ABCA8: variants seen among roughly 807,000 people sequenced by gnomAD.
ABCA8 encodes the protein ATP binding cassette subfamily A member 8.
ABCA8 carries 177 observed loss-of-function variants against 192.3 expected under a neutral mutation model. That is an observed-to-expected ratio of 0.92 (90% CI 0.81 to 1.04). The LOEUF (loss-of-function observed/expected upper bound fraction) is 1.04. Ranked by LOEUF, ABCA8 falls within the 50% of genes least tolerant of loss-of-function variation. ABCA8 has a pLI of 0.00. For missense variants in ABCA8, 1,915 were observed against 1,904.8 expected (o/e 1.01, Z -0.10); for synonymous variants, 642 against 690.2 (o/e 0.93, Z 1.09).
chr17:68,941,886 C>T (rs573887581), intron 3 of ABCA8, 53 bp downstream of exon 3: 4 of 1,316,634 alleles, frequency 3.0e-6, no homozygotes, highest in Non-Finnish European at 4.3e-6. Context: ...AACTCCCAGG[C>T]AACACGTATT....
rs112300412 is a variant in ABCA8 at position 68,918,209 on chromosome 17, G to A, written c.1909-24C>T. ...ATCTATAAACGAGGAAAGTATATAA[G>A]GCGGTTTTCCTCAAAGGTGAAGTTC... On this transcript the variant is annotated intron_variant, in intron 15 of 39. Transcript: ENST00000586539. 4.8e-3 allele frequency: 7,670 copies of A among 1,612,308 alleles called. 19 individuals are homozygous for A. Among genetic ancestry groups the A allele is most frequent in the Non-Finnish European group, 6.0e-3 (7,064 of 1,179,322 alleles).
intron 26 of ABCA8, 98 bp from the exon 27 acceptor site, chr17:68,885,413 A>G (rs1373195367): frequency 8.0e-6 from 10 of 1,242,536 alleles, no homozygotes; most frequent in East Asian, 2.5e-5. Flanking sequence ...TTCAACTCCA[A>G]TCTTGCAAAC....
intron 19 of ABCA8, 83 bp from the exon 20 acceptor site, chr17:68,903,582 GAC>G: frequency 7.6e-6 from 10 of 1,320,754 alleles, no homozygotes; most frequent in Non-Finnish European, 9.6e-6. Flanking sequence ...CTCATGATTA[GAC>G]TCTTCCGCGT....
chr17:68,929,751 A>C, intron 7 of ABCA8, 49 bp from the exon 8 acceptor site: 6 of 1,514,492 alleles, frequency 4.0e-6, no homozygotes, highest in Non-Finnish European at 5.3e-6. Flanking sequence ...TCACTTGAAA[A>C]GGAAGACCTG....
intron 8 of ABCA8, 114 bp from the exon 9 acceptor site, chr17:68,929,348 G>A: frequency 1.8e-6 from 2 of 1,082,952 alleles, no homozygotes; most frequent in Non-Finnish European, 2.6e-6. Context: ...GTATATTATA[G>A]TTATTTTGTA....
In ABCA8 at chr17:68,907,720, A is replaced by G; in HGVS notation, c.2278+20T>C. ...GACTATTATTCACATATTTTATTTCACAGTGTTCATGCACATTACCTGGAA... is the reference window on the plus strand; with the variant it reads ...GACTATTATTCACATATTTTATTTCGCAGTGTTCATGCACATTACCTGGAA... On this transcript the variant is annotated intron_variant, in intron 18 of 39. Transcript: ENST00000586539. 1 of 1,549,546 alleles carries G rather than the reference A, an allele frequency of 6.5e-7. No individual in the cohort carries two copies. The highest frequency in any genetic ancestry group is 1.3e-5 in the South Asian group (1 of 79,064).
chr17:68,868,214 GA>G (rs1213339796), intron 39 of ABCA8, 31 bp from the exon 40 acceptor site: 7 of 1,607,178 alleles, frequency 4.4e-6, no homozygotes, highest in Non-Finnish European at 6.0e-6. Context: ...AAAGAGAGGA[GA>G]ACAATGCCGT....
intron 1 of ABCA8, among the ~76,000 whole-genome samples, chr17:68,951,677 A>G (rs1191220166): frequency 1.4e-5 from 2 of 146,146 alleles, no homozygotes; most frequent in East Asian, 3.9e-4. Flanking sequence ...TTGCTTTTTT[A>G]TGTTTCAGTA....
At chr17:68,936,121 A>T (rs965057577) in intron 5 of ABCA8, among the ~76,000 whole-genome samples, 1 of 151,948 alleles carries the variant, frequency 6.6e-6, no homozygotes, top group Non-Finnish European at 1.5e-5. Flanking sequence ...TTCCATCTGT[A>T]GGTCATCTGT....
intron 18 of ABCA8, among the ~76,000 whole-genome samples, chr17:68,906,861 C>T (rs966566186): frequency 6.6e-6 from 1 of 152,086 alleles, no homozygotes; most frequent in South Asian, 2.1e-4. Context: ...AACAGTGCCC[C>T]TGCCTGCATG....
chr17:68,935,456 A>G (rs1598283425), intron 5 of ABCA8, among the ~76,000 whole-genome samples: 1 of 148,730 alleles, frequency 6.7e-6, no homozygotes, highest in Admixed American at 6.7e-5. Context: ...CACTATCTCT[A>G]TGGTTCTTTT....
At chr17:68,930,762 C>A (rs771721169) in intron 7 of ABCA8, among the ~76,000 whole-genome samples, 15 of 152,152 alleles carry the variant, frequency 9.9e-5, no homozygotes, top group Non-Finnish European at 2.2e-4. Flanking sequence ...ACGTTTCCCT[C>A]CAGTATTAAT....
intron 11 of ABCA8, 144 bp from the exon 12 acceptor site, chr17:68,922,444 G>A: frequency 1.8e-6 from 1 of 544,138 alleles, no homozygotes; most frequent in Non-Finnish European, 3.1e-6. Flanking sequence ...CTGTGTGACA[G>A]AATCAGCTAG....
At chr17:68,900,058 A>G (rs781185314) in intron 21 of ABCA8, among the ~76,000 whole-genome samples, 6 of 152,122 alleles carry the variant, frequency 3.9e-5, no homozygotes, top group Non-Finnish European at 5.9e-5. Flanking sequence ...AAAGAGAGGA[A>G]CAAGCTAAAC....
intron 12 of ABCA8, 107 bp from the exon 13 acceptor site, chr17:68,921,599 C>A (rs2067535882): frequency 1.7e-6 from 1 of 574,534 alleles, no homozygotes; most frequent in Non-Finnish European, 2.9e-6. Context: ...TATTAATTCT[C>A]TTGAATGGTT....
rs2067431908 is a variant in ABCA8, at chr17:68,918,205, A to G, written c.1909-20T>C. The G allele has an allele frequency of 6.2e-7, 1 of 1,613,002 alleles. No homozygotes were observed. The highest frequency in any genetic ancestry group is 1.1e-5 in the South Asian group (1 of 90,752). ...GAAAATCTATAAACGAGGAAAGTATATAAGGCGGTTTTCCTCAAAGGTGAA... is the reference window on the plus strand; with the variant it reads ...GAAAATCTATAAACGAGGAAAGTATGTAAGGCGGTTTTCCTCAAAGGTGAA... On this transcript the variant is annotated intron_variant, in intron 15 of 39. Coordinates refer to ENST00000586539, the MANE Select transcript of ABCA8 (RefSeq NM_001288985.2).
chr17:68,899,945 G>T (rs1002656439), intron 21 of ABCA8, among the ~76,000 whole-genome samples: 2 of 152,108 alleles, frequency 1.3e-5, no homozygotes, highest in Admixed American at 1.3e-4. Flanking sequence ...GCTATGCAGC[G>T]AAAGCATAGC....
intron 21 of ABCA8, among the ~76,000 whole-genome samples, chr17:68,896,429 A>T (rs756396356): frequency 2.0e-5 from 3 of 152,192 alleles, no homozygotes; most frequent in Non-Finnish European, 2.9e-5. Flanking sequence ...AGTCCACTGC[A>T]TCTCTAAAAT....
rs145289904 is a variant in ABCA8 at position 68,907,081 on chromosome 17, A to T, written c.2278+659T>A. Reference sequence around the variant, plus strand: ...TAATGAGTATTATGCATCATTCTTCATTCCACCTAAAACGTCTACAAATTT... The same window carrying T: ...TAATGAGTATTATGCATCATTCTTCTTTCCACCTAAAACGTCTACAAATTT... On this transcript the variant is annotated intron_variant, in intron 18 of 39. Coordinates refer to ENST00000586539, the MANE Select transcript of ABCA8 (RefSeq NM_001288985.2). 4.0e-3 allele frequency among the ~76,000 whole-genome samples: 609 copies of T among 152,302 alleles called. 2 individuals carry two copies. The highest frequency in any genetic ancestry group is 0.013 in the African/African-American group (559 of 41,578).
Sources: gnomAD v4.1 joint callset for allele counts (sites outside exome capture counted in the v4.1 genomes callset) on GRCh38, gnomAD v4.1.1 for gene constraint, MANE v1.5 for transcripts, NCBI Gene and HGNC (gene_info 2026-07-23, HGNC 2026-07-21) for gene names.